GRIK2: variants seen among roughly 807,000 people sequenced by gnomAD.
GRIK2 encodes the protein glutamate receptor ionotropic, kainate 2.
A neutral mutation model predicts 100.3 loss-of-function variants in GRIK2; 32 were observed. That is an observed-to-expected ratio of 0.32 (90% CI 0.24 to 0.43). The LOEUF is 0.43. Ranked by LOEUF, GRIK2 falls within the 20% of genes least tolerant of loss-of-function variation. The pLI is 1.00. For synonymous variants in GRIK2, 417 were observed against 389.4 expected (o/e 1.07, Z -0.83); for missense variants, 843 against 1,114.9 (o/e 0.76, Z 3.47).
intron 11 of GRIK2, among the ~76,000 whole-genome samples, chr6:101,886,654 A>T (rs1410457696): frequency 6.6e-6 from 1 of 151,816 alleles, no homozygotes; most frequent in Non-Finnish European, 1.5e-5. Flanking sequence ...ATTTTTCAAG[A>T]ATGCAATATA....
intron 2 of GRIK2, among the ~76,000 whole-genome samples, chr6:101,499,077 A>G (rs1029923675): frequency 2.0e-5 from 3 of 152,140 alleles, no homozygotes; most frequent in Non-Finnish European, 4.4e-5. Flanking sequence ...AGCCATATGT[A>G]GAAAGCTGAA....
intron 9 of GRIK2, 91 bp from the exon 10 acceptor site, chr6:101,818,279 T>G (rs945261291): frequency 1.4e-6 from 1 of 700,592 alleles, no homozygotes; most frequent in Non-Finnish European, 2.5e-6. Context: ...CAAAGGTGAA[T>G]AATAAGTGTT....
intron 7 of GRIK2, among the ~76,000 whole-genome samples, chr6:101,765,010 G>A (rs1777955563): frequency 1.3e-5 from 2 of 152,040 alleles, no homozygotes; most frequent in Admixed American, 1.3e-4. Flanking sequence ...TCATCTATGA[G>A]GAACATTTTT....
intron 7 of GRIK2, among the ~76,000 whole-genome samples, chr6:101,720,250 T>C (rs1397765807): frequency 1.3e-5 from 2 of 151,992 alleles, no homozygotes; most frequent in African/African-American, 4.8e-5. Flanking sequence ...AAAAAATGTG[T>C]TTGTCCGTTC....
intron 12 of GRIK2, among the ~76,000 whole-genome samples, chr6:101,914,521 A>C (rs953223849): frequency 2.0e-5 from 3 of 151,442 alleles, no homozygotes; most frequent in African/African-American, 7.3e-5. Context: ...TATGGATGAT[A>C]ATGACTATAT....
intron 14 of GRIK2, among the ~76,000 whole-genome samples, chr6:101,967,648 C>T (rs1012239384): frequency 1.3e-4 from 20 of 151,996 alleles, no homozygotes; most frequent in African/African-American, 1.4e-4. Flanking sequence ...CTTTCTAGTC[C>T]GGATATCAGG....
At chr6:101,470,639 G>A (rs575080515) in intron 2 of GRIK2, among the ~76,000 whole-genome samples, 3 of 152,176 alleles carry the variant, frequency 2.0e-5, no homozygotes, top group South Asian at 4.2e-4. Flanking sequence ...GAAGAGTAGG[G>A]TGATGGTTCA....
At chr6:101,997,054 G>A (rs139481547) in intron 14 of GRIK2, among the ~76,000 whole-genome samples, 3 of 151,998 alleles carry the variant, frequency 2.0e-5, no homozygotes, top group Non-Finnish European at 2.9e-5. Context: ...TTACAGAAAC[G>A]TGTAACTTGT....
intron 14 of GRIK2, among the ~76,000 whole-genome samples, chr6:101,954,197 A>G (rs1377219285): frequency 1.3e-5 from 2 of 152,132 alleles, no homozygotes; most frequent in African/African-American, 4.8e-5. Context: ...TTTTATTTCA[A>G]GATTGTTTTG....
intron 10 of GRIK2, among the ~76,000 whole-genome samples, chr6:101,837,098 C>T (rs1344267670): frequency 6.6e-6 from 1 of 152,116 alleles, no homozygotes; most frequent in African/African-American, 2.4e-5. Flanking sequence ...TCCATCATTT[C>T]TCATTGTCTG....
At chr6:101,863,318 C>A (rs1436125499) in intron 11 of GRIK2, among the ~76,000 whole-genome samples, 2 of 152,098 alleles carry the variant, frequency 1.3e-5, no homozygotes, top group Non-Finnish European at 1.5e-5. Flanking sequence ...CCTTTAATTT[C>A]TTTTTCATAG....
At chr6:102,046,939 T>G (rs1770918359) in intron 15 of GRIK2, among the ~76,000 whole-genome samples, 1 of 152,078 alleles carries the variant, frequency 6.6e-6, no homozygotes, top group African/African-American at 2.4e-5. Context: ...ATGTAGAAAT[T>G]AAACAACATG....
chr6:101,855,791 A>C (rs1050137587), intron 10 of GRIK2, among the ~76,000 whole-genome samples: 4 of 148,706 alleles, frequency 2.7e-5, no homozygotes, highest in African/African-American at 1.0e-4. Context: ...AGTTTTTACA[A>C]GATTGCTACG....
At chr6:102,055,103 T>G (rs538972650) in intron 15 of GRIK2, among the ~76,000 whole-genome samples, 8 of 152,186 alleles carry the variant, frequency 5.3e-5, no homozygotes, top group Non-Finnish European at 8.8e-5. Flanking sequence ...AGACATATTC[T>G]TTCTTAAAAC....
In GRIK2 at chr6:101,690,725, T is replaced by C. The variant is rs1027186732; in HGVS notation, c.951+4372T>C. Among the ~76,000 whole-genome samples, 7 of 152,146 alleles carry C rather than the reference T, an allele frequency of 4.6e-5. 1 individual carries two copies. Among genetic ancestry groups the C allele is most frequent in the Non-Finnish European group, 8.8e-5 (6 of 68,032 alleles). On this transcript the variant is annotated intron_variant, in intron 7 of 16. Transcript: ENST00000369134. Reference sequence around the variant, plus strand: ...CTCCCTGTTCCACCAAGCCACCCTCTCATCTCACCTTTGATGTGTTGTCAC... The same window carrying C: ...CTCCCTGTTCCACCAAGCCACCCTCCCATCTCACCTTTGATGTGTTGTCAC...
Position 101,399,218 on chromosome 6 carries a change from C to T in GRIK2, c.-60C>T, listed in dbSNP as rs1389550219. Reference sequence around the variant, plus strand: ...CGACGCATCCTCATTTCTACCCGAACCCAGGAGCCGAACGCTAGATCGGGG... The same window carrying T: ...CGACGCATCCTCATTTCTACCCGAATCCAGGAGCCGAACGCTAGATCGGGG... On this transcript the variant is annotated 5_prime_UTR_variant, in exon 2 of 17. Transcript: ENST00000369134. 2 of 839,084 alleles carry T rather than the reference C, an allele frequency of 2.4e-6. No individual in the cohort carries two copies. Among genetic ancestry groups the T allele is most frequent in the African/African-American group, 1.7e-5 (1 of 60,292 alleles). 52.0% of individuals were successfully genotyped at this position (839,084 alleles called of 1,614,324 possible). A position where few individuals can be genotyped will look rare whatever the true frequency, so the allele number is the denominator to read the frequency against.
chr6:101,513,498 A>G (rs1319509653), intron 2 of GRIK2, among the ~76,000 whole-genome samples: 1 of 152,124 alleles, frequency 6.6e-6, no homozygotes, highest in Non-Finnish European at 1.5e-5. Context: ...CATAGATGCA[A>G]ATTTTTCCCC....
intron 14 of GRIK2, among the ~76,000 whole-genome samples, chr6:102,031,956 A>AATC (rs1770023657): frequency 6.6e-6 from 1 of 151,348 alleles, no homozygotes; most frequent in African/African-American, 2.4e-5. Context: ...ATCAGAAGTC[A>AATC]ATCTCTGAAC....
chr6:101,930,144 C>A (rs1182747841), intron 14 of GRIK2, among the ~76,000 whole-genome samples: 1 of 151,898 alleles, frequency 6.6e-6, no homozygotes, highest in Non-Finnish European at 1.5e-5. Context: ...GAGGTTGAGA[C>A]CAGCCTCCAT....
Sources: allele counts gnomAD v4.1 joint callset (sites outside exome capture counted in the v4.1 genomes callset), GRCh38; gene constraint gnomAD v4.1.1; transcripts MANE v1.5; gene names NCBI Gene and HGNC (gene_info 2026-07-23, HGNC 2026-07-21).